ZNF469: variants seen among roughly 807,000 people sequenced by gnomAD.
ZNF469 encodes the protein zinc finger protein 469.
In ZNF469, 1 loss-of-function variant was observed where a neutral mutation model predicts 1.0. That is an observed-to-expected ratio of 1.00 (90% CI 0.35 to 4.73). The LOEUF is 4.73. Among genes scored for constraint, ZNF469 ranks in the 30% most tolerant of loss-of-function variants. ZNF469 has a pLI of 0.16. For missense variants in ZNF469, 6,100 were observed against 5,356.3 expected, an observed-to-expected ratio of 1.14 and a Z score of -4.33; for synonymous variants, 2,703 against 2,363.4, an observed-to-expected ratio of 1.14 and a Z score of -4.17.
At chr16:88,220,202 A>G in the ZNF469 span, among the ~76,000 whole-genome samples, 2 of 152,180 alleles carry the variant, frequency 1.3e-5, no homozygotes, top group Non-Finnish European at 2.9e-5. Flanking sequence ...TGCTGGCCTC[A>G]TTCCCACCTA....
chr16:88,172,214 G>A, the ZNF469 span, among the ~76,000 whole-genome samples: 1 of 152,224 alleles, frequency 6.6e-6, no homozygotes, highest in Non-Finnish European at 1.5e-5. Flanking sequence ...GGCCCCTGGG[G>A]TTTTGGCTAA....
Position 88,429,933 on chromosome 16 carries a change from C to T in ZNF469, c.2463C>T (p.Ala821=), listed in dbSNP as rs745660819. The change falls in exon 3 of 3, where the codon GCC becomes GCT. Residue 821 remains alanine, a synonymous_variant. Coordinates refer to ENST00000565624, the MANE Select transcript of ZNF469 (RefSeq NM_001367624.2). ...GGACAGGCTTCCTGCCCAGCCTGGC[C>T]GCCACCCCCTTCCCGCTCCCTGCCT... ...PLRTGFLPSL[A]ATPFPLPASD... The T allele has an allele frequency of 7.1e-6, 11 of 1,550,084 alleles. No individual in the cohort carries two copies. The highest frequency in any genetic ancestry group is 4.8e-5 in the South Asian group (4 of 84,054).
the ZNF469 span, among the ~76,000 whole-genome samples, chr16:88,335,731 C>T: frequency 5.7e-3 from 863 of 152,370 alleles, 8 homozygotes; most frequent in Admixed American, 8.2e-3. Context: ...GAGGCATTGA[C>T]GCAGCAACAC....
At chr16:88,311,185 T>G in the ZNF469 span, among the ~76,000 whole-genome samples, 158 of 152,320 alleles carry the variant, frequency 1.0e-3, no homozygotes, top group African/African-American at 3.6e-3. Flanking sequence ...AGGAAGACCC[T>G]GGGGGCGAAG....
chr16:88,385,802 C>A (rs535023160), intron 1 of ZNF469, among the ~76,000 whole-genome samples: 3 of 152,224 alleles, frequency 2.0e-5, no homozygotes, highest in South Asian at 4.1e-4. Context: ...CCCTCTGGGA[C>A]TTTATTTCTC....
At chr16:88,186,852 A>T in the ZNF469 span, among the ~76,000 whole-genome samples, 1 of 152,060 alleles carries the variant, frequency 6.6e-6, no homozygotes, top group African/African-American at 2.4e-5. Flanking sequence ...CATTTGAGGA[A>T]GCGGCTGTGA....
At chr16:88,259,288 G>A in the ZNF469 span, among the ~76,000 whole-genome samples, 13 of 143,224 alleles carry the variant, frequency 9.1e-5, no homozygotes, top group South Asian at 1.3e-3. This position sits in a 1 kb window ranked among gnomAD's most constrained non-coding sequence, Gnocchi z 4.1. Context: ...AGGTGTCCTC[G>A]GTGGGTCAGG....
At chr16:88,158,434 C>A in the ZNF469 span, among the ~76,000 whole-genome samples, 203 of 152,234 alleles carry the variant, frequency 1.3e-3, 1 homozygote, top group African/African-American at 4.8e-3. Context: ...TGCTGTGGAC[C>A]CCATGGGGAG....
chr16:88,229,177 G>C, the ZNF469 span, among the ~76,000 whole-genome samples: 1 of 152,068 alleles, frequency 6.6e-6, no homozygotes, highest in African/African-American at 2.4e-5. Flanking sequence ...AGATAAAATC[G>C]ATGTAAATAT....
intron 2 of ZNF469, among the ~76,000 whole-genome samples, chr16:88,425,180 G>C (rs1212186709): frequency 6.6e-6 from 1 of 152,144 alleles, no homozygotes; most frequent in African/African-American, 2.4e-5. Flanking sequence ...GGGCACAGCT[G>C]TGTTCTCAAC....
chr16:88,175,877 C>T, the ZNF469 span, among the ~76,000 whole-genome samples: 1 of 152,136 alleles, frequency 6.6e-6, no homozygotes, highest in Non-Finnish European at 1.5e-5. Flanking sequence ...TTTCACTGGT[C>T]CTTTTAATTC....
the ZNF469 span, among the ~76,000 whole-genome samples, chr16:88,220,020 T>C: frequency 6.6e-6 from 1 of 152,188 alleles, no homozygotes; most frequent in Admixed American, 6.5e-5. Context: ...GGTTCTCCCC[T>C]CTCCAGAGTT....
chr16:88,119,512 A>C, the ZNF469 span, among the ~76,000 whole-genome samples: 7 of 152,334 alleles, frequency 4.6e-5, no homozygotes, highest in South Asian at 1.2e-3. Flanking sequence ...AAAGCAACCA[A>C]ATACCAAAGT....
the ZNF469 span, among the ~76,000 whole-genome samples, chr16:88,241,978 T>C: frequency 1.3e-5 from 2 of 152,076 alleles, no homozygotes; most frequent in African/African-American, 4.8e-5. This position sits in a 1 kb window ranked among gnomAD's most constrained non-coding sequence, Gnocchi z 4.8. Flanking sequence ...GCAGACAGGA[T>C]GGGAGGAAGG....
chr16:88,398,420 T>C (rs80085206), intron 1 of ZNF469, among the ~76,000 whole-genome samples: 38,399 of 146,352 alleles, frequency 0.26, 5,383 homozygotes, highest in African/African-American at 0.4. Flanking sequence ...TGAAGGGACA[T>C]GTGGGCCACG....
the ZNF469 span, among the ~76,000 whole-genome samples, chr16:88,232,196 A>C: frequency 4.1e-4 from 63 of 152,354 alleles, no homozygotes; most frequent in Middle Eastern, 3.4e-3. Context: ...TAGAGCACGA[A>C]ATCACGCTGA....
the ZNF469 span, among the ~76,000 whole-genome samples, chr16:88,218,077 A>G: frequency 6.9e-6 from 1 of 145,164 alleles, no homozygotes; most frequent in Non-Finnish European, 1.5e-5. Flanking sequence ...AAGTGTTCCT[A>G]TTTCTCCACA....
the ZNF469 span, among the ~76,000 whole-genome samples, chr16:88,329,885 G>A: frequency 1.3e-5 from 2 of 152,316 alleles, no homozygotes; most frequent in South Asian, 4.1e-4. Flanking sequence ...CAGGCCATCC[G>A]GTGAGGGACG....
the ZNF469 span, among the ~76,000 whole-genome samples, chr16:88,239,668 TATATATATA>T: frequency 5.0e-4 from 2 of 4,036 alleles, no homozygotes; most frequent in African/African-American, 1.9e-3. Flanking sequence ...TTTTTTTTTG[TATATATATA>T]TATATATATA....
Sources: allele counts gnomAD v4.1 joint callset (sites outside exome capture counted in the v4.1 genomes callset), GRCh38; gene constraint gnomAD v4.1.1; non-coding constraint Gnocchi (gnomAD v3.1); transcripts MANE v1.5; gene names NCBI Gene and HGNC (gene_info 2026-07-23, HGNC 2026-07-21).